Variants in CHODL observed in about 807,000 individuals in gnomAD.
CHODL encodes chondrolectin.
A neutral mutation model predicts 34.5 loss-of-function variants in CHODL; 29 were observed. That is an observed-to-expected ratio of 0.84 (90% confidence interval 0.63 to 1.15). The LOEUF is 1.15. Ranked by LOEUF, CHODL falls within the 50% of genes most tolerant of loss-of-function variation. CHODL has a pLI of 0.00. For synonymous variants in CHODL, 125 were observed against 116.1 expected (o/e 1.08, Z -0.49); for missense variants, 332 against 332.5 (o/e 1.00, Z 0.01).
intron 2 of CHODL, among the ~76,000 whole-genome samples, chr21:18,046,074 A>G (rs1212627241): frequency 6.6e-6 from 1 of 152,014 alleles, no homozygotes; most frequent in Non-Finnish European, 1.5e-5. Flanking sequence ...TGGCATCCTC[A>G]GAACACTAAT....
At chr21:18,039,110 A>G (rs2064344960) in intron 2 of CHODL, among the ~76,000 whole-genome samples, 1 of 151,636 alleles carries the variant, frequency 6.6e-6, no homozygotes, top group African/African-American at 2.4e-5. Flanking sequence ...TTTAGTGATA[A>G]TTCTGAATCG....
intron 1 of CHODL, among the ~76,000 whole-genome samples, chr21:17,949,862 A>G (rs2146340334): frequency 6.6e-6 from 1 of 152,278 alleles, no homozygotes; most frequent in South Asian, 2.1e-4. Flanking sequence ...TTGGGGGAGG[A>G]GGAAAGTAAA....
At chr21:18,154,005 AAG>A (rs1458723817) in intron 2 of CHODL, among the ~76,000 whole-genome samples, 2 of 152,180 alleles carry the variant, frequency 1.3e-5, no homozygotes, top group East Asian at 3.9e-4. Flanking sequence ...AGCCAGAAGG[AAG>A]AGAGAGAGGG....
chr21:18,146,381 T>C (rs1466364988), intron 2 of CHODL, among the ~76,000 whole-genome samples: 1 of 152,094 alleles, frequency 6.6e-6, no homozygotes, highest in Non-Finnish European at 1.5e-5. Context: ...ATCTGAATTG[T>C]AATACCCACA....
At chr21:18,224,490 T>C (rs2073913529) in intron 2 of CHODL, among the ~76,000 whole-genome samples, 1 of 152,196 alleles carries the variant, frequency 6.6e-6, no homozygotes, top group African/African-American at 2.4e-5. Context: ...TTAAGTTCCC[T>C]CATTATTATT....
chr21:17,970,229 G>A (rs577338716), intron 1 of CHODL, among the ~76,000 whole-genome samples: 3 of 152,254 alleles, frequency 2.0e-5, no homozygotes, highest in Non-Finnish European at 4.4e-5. Context: ...AGCAGGGAAG[G>A]TAGTAAGCCC....
chr21:18,224,326 G>C (rs2073911443), intron 2 of CHODL, among the ~76,000 whole-genome samples: 1 of 152,034 alleles, frequency 6.6e-6, no homozygotes, highest in African/African-American at 2.4e-5. Context: ...ACTTTTAATT[G>C]TTTTATATAA....
intron 1 of CHODL, among the ~76,000 whole-genome samples, chr21:17,950,076 G>C (rs960249077): frequency 2.6e-5 from 4 of 152,078 alleles, no homozygotes; most frequent in African/African-American, 9.7e-5. Context: ...ATTCTCAAGT[G>C]CTTCACTTCA....
At chr21:18,038,869 CT>C (rs2064342071) in intron 2 of CHODL, among the ~76,000 whole-genome samples, 1 of 151,608 alleles carries the variant, frequency 6.6e-6, no homozygotes, top group East Asian at 1.9e-4. Flanking sequence ...TTGTAAGTCC[CT>C]TTTCAATGTC....
intron 2 of CHODL, among the ~76,000 whole-genome samples, chr21:18,067,839 C>T (rs910804900): frequency 1.2e-4 from 18 of 152,100 alleles, no homozygotes; most frequent in East Asian, 1.9e-4. Flanking sequence ...GATATTATCA[C>T]GCAACAGTCT....
chr21:18,064,577 C>T (rs934338965), intron 2 of CHODL, among the ~76,000 whole-genome samples: 1 of 152,130 alleles, frequency 6.6e-6, no homozygotes, highest in Non-Finnish European at 1.5e-5. Flanking sequence ...GCTTATGAGC[C>T]TGCCAGCTTT....
At chr21:18,079,618 C>G (rs78831767) in intron 2 of CHODL, among the ~76,000 whole-genome samples, 282 of 150,302 alleles carry the variant, frequency 1.9e-3, no homozygotes, top group Non-Finnish European at 3.1e-3. Flanking sequence ...CATATATATA[C>G]CATATGTATA....
chr21:18,237,579 T>C (rs564950655), intron 2 of CHODL, among the ~76,000 whole-genome samples: 56 of 152,248 alleles, frequency 3.7e-4, no homozygotes, highest in African/African-American at 1.3e-3. Context: ...TTGGTTGCAG[T>C]TCTTATTATA....
At position 17,938,519 on chromosome 21, in the gene CHODL, C is replaced by CCCAGGCTG. The variant is rs568193581; in HGVS notation, c.-145+21120_-145+21127dup. ...AAGGAAAGGGAGTCTCGCTCCATCG[C>CCCAGGCTG]CCAGGCTGGAGTGCAGTGGCTCGAT... is the stretch of plus-strand genomic sequence containing the variant. On this transcript the variant is annotated intron_variant, in intron 1 of 6. Transcript: ENST00000400127. Among the ~76,000 whole-genome samples the CCCAGGCTG allele has an allele frequency of 4.6e-3, 564 of 121,570 alleles. 10 individuals carry two copies. Among genetic ancestry groups the CCCAGGCTG allele is most frequent in the African/African-American group, 0.017 (542 of 31,568 alleles). The allele number at this position is 121,570 out of a possible 152,430, so 79.8% of individuals were successfully genotyped here. A position where few individuals can be genotyped will look rare whatever the true frequency, so the allele number is the denominator to read the frequency against.
intron 2 of CHODL, among the ~76,000 whole-genome samples, chr21:18,096,054 A>T (rs1688157): frequency 0.9 from 136,948 of 152,204 alleles, 61,707 homozygotes; most frequent in East Asian, 1. Flanking sequence ...CATGGACATT[A>T]ATTAGTTCCC....
intron 2 of CHODL, among the ~76,000 whole-genome samples, chr21:18,213,268 T>C (rs1037494709): frequency 1.3e-5 from 2 of 152,108 alleles, no homozygotes; most frequent in African/African-American, 4.8e-5. Context: ...AGATTACTTA[T>C]TGCTTATAAA....
intron 2 of CHODL, among the ~76,000 whole-genome samples, chr21:18,115,486 C>T (rs205672): frequency 0.17 from 25,158 of 152,164 alleles, 2,272 homozygotes; most frequent in Middle Eastern, 0.34. Flanking sequence ...TTCCACACCT[C>T]CATCCATTTG....
intron 2 of CHODL, among the ~76,000 whole-genome samples, chr21:18,115,160 T>G (rs957406035): frequency 1.3e-5 from 2 of 152,184 alleles, no homozygotes; most frequent in East Asian, 3.9e-4. Context: ...AGTGACTCAG[T>G]GAATTTAGGA....
chr21:18,000,638 CTT>C (rs2063896216), intron 1 of CHODL, among the ~76,000 whole-genome samples: 1 of 152,102 alleles, frequency 6.6e-6, no homozygotes, highest in Non-Finnish European at 1.5e-5. Flanking sequence ...CTCTTGTGAA[CTT>C]TAAAAACTTC....
Sources: allele counts gnomAD v4.1 joint callset (sites outside exome capture counted in the v4.1 genomes callset), GRCh38; gene constraint gnomAD v4.1.1; transcripts MANE v1.5; gene names NCBI Gene and HGNC (gene_info 2026-07-23, HGNC 2026-07-21).